Variants in ALG12 observed in about 807,000 individuals in gnomAD.
The protein encoded by ALG12 is dol-P-Man:Man(7)GlcNAc(2)-PP-Dol alpha-1,6-mannosyltransferase.
ALG12 carries 36 observed loss-of-function variants against 46.0 expected under a neutral mutation model. The observed-to-expected ratio is 0.78, with a 90% confidence interval of 0.60 to 1.03. The LOEUF is 1.03. Among genes scored for constraint, ALG12 ranks in the 50% least tolerant of loss-of-function variants. The pLI is 0.00. For synonymous variants in ALG12, 326 were observed against 291.6 expected (o/e 1.12, Z -1.20); for missense variants, 599 against 633.5 (o/e 0.95, Z 0.58).
rs186021973 is a variant in ALG12 at position 49,910,731 on chromosome 22, G to A, written c.296-124C>T. The A allele has an allele frequency of 3.0e-3, 3,549 of 1,180,410 alleles. 9 individuals are homozygous for A. Among genetic ancestry groups the A allele is most frequent in the Non-Finnish European group, 3.8e-3 (3,065 of 801,998 alleles). 73.1% of individuals were successfully genotyped at this position (1,180,410 alleles called of 1,614,324 possible). ...TTTCTATGCTGCTGCAATGCCAGCT[G>A]ACGGCTACGTCAGGCAAAGCAGCCT... On this transcript the variant is annotated intron_variant, in intron 3 of 9. Coordinates refer to ENST00000330817, the MANE Select transcript of ALG12 (RefSeq NM_024105.4).
chr22:49,901,878 T>C lies in ALG12; in HGVS notation c.*1960A>G, dbSNP rs1569171431. ...CACTGTGTGTGGTGTGTATTCATGG[T>C]GTGTGCACGTGTGCACTGTGTGTAT... is the stretch of plus-strand genomic sequence containing the variant. On this transcript the variant is annotated 3_prime_UTR_variant, in exon 10 of 10. Coordinates refer to ENST00000330817, the MANE Select transcript of ALG12 (RefSeq NM_024105.4). 1 of 138,674 alleles carries C rather than the reference T, an allele frequency of 7.2e-6. No individual in the cohort carries two copies. The highest frequency in any genetic ancestry group is 2.2e-4 in the East Asian group (1 of 4,454). 8.6% of individuals were successfully genotyped at this position (138,674 alleles called of 1,614,324 possible).
the ALG12 span, among the ~76,000 whole-genome samples, chr22:49,894,184 A>AT: frequency 1.3e-5 from 2 of 152,182 alleles, no homozygotes; most frequent in African/African-American, 4.8e-5. Flanking sequence ...AATAAAGTAG[A>AT]TTCTGACATC....
At chr22:49,895,663 A>T (rs897046801), downstream of ALG12, among the ~76,000 whole-genome samples, 1 of 152,136 alleles carries the variant, frequency 6.6e-6, no homozygotes, top group African/African-American at 2.4e-5. Context: ...AAAATAAAAA[A>T]AAAAAAAAAG....
the ALG12 span, among the ~76,000 whole-genome samples, chr22:49,869,398 C>G: frequency 1.3e-5 from 2 of 152,202 alleles, no homozygotes; most frequent in African/African-American, 4.8e-5. Context: ...GTCCTCCAGA[C>G]CAGATTATTT....
intron 6 of ALG12, 104 bp downstream of exon 6, chr22:49,909,140 G>A (rs1191291292): frequency 1.9e-5 from 23 of 1,231,390 alleles, no homozygotes; most frequent in Middle Eastern, 2.6e-4. Flanking sequence ...CTGCAGCCAC[G>A]CTGCAGAGAA....
chr22:49,904,859 C>T (rs2147581165), intron 7 of ALG12, among the ~76,000 whole-genome samples: 1 of 152,236 alleles, frequency 6.6e-6, no homozygotes, highest in East Asian at 1.9e-4. Flanking sequence ...CCTGCCTCAG[C>T]CTCCCAAGTA....
the ALG12 span, chr22:49,884,217 C>T: frequency 6.2e-7 from 1 of 1,603,692 alleles, no homozygotes; most frequent in South Asian, 1.1e-5. Flanking sequence ...TCCCCTCTCC[C>T]TCACTCCTGC....
At chr22:49,918,065 A>AGGTGGGAGTTCCG (rs2060628982) in intron 1 of ALG12, 198 bp downstream of exon 1, 1 of 97,810 alleles carries the variant, frequency 1.0e-5, no homozygotes, top group Non-Finnish European at 2.1e-5. Context: ...TGACAGGTCC[A>AGGTGGGAGTTCCG]GCCCCAGGTG....
At chr22:49,891,374 A>G in the ALG12 span, among the ~76,000 whole-genome samples, 21 of 152,294 alleles carry the variant, frequency 1.4e-4, no homozygotes, top group East Asian at 1.7e-3. Context: ...TCAATTTTGA[A>G]CCAGTTGAGA....
At chr22:49,882,858 G>A in the ALG12 span, among the ~76,000 whole-genome samples, 1,625 of 152,310 alleles carry the variant, frequency 0.011, 35 homozygotes, top group African/African-American at 0.038. Flanking sequence ...ACTGTGGTCC[G>A]TTTCCTATTC....
At chr22:49,871,757 A>ATTTTT in the ALG12 span, among the ~76,000 whole-genome samples, 10 of 62,174 alleles carry the variant, frequency 1.6e-4, no homozygotes, top group South Asian at 3.1e-3. Flanking sequence ...TTATTTATTT[A>ATTTTT]TTTTTTTTTT....
At chr22:49,869,235 C>T in the ALG12 span, among the ~76,000 whole-genome samples, 3 of 152,054 alleles carry the variant, frequency 2.0e-5, no homozygotes, top group African/African-American at 2.4e-5. Context: ...CTTTGATTCA[C>T]GTACACACAT....
chr22:49,872,145 C>T, the ALG12 span, among the ~76,000 whole-genome samples: 1 of 152,316 alleles, frequency 6.6e-6, no homozygotes, highest in East Asian at 1.9e-4. Context: ...GAACTTCTTT[C>T]AAAATTGTAG....
Position 49,903,910 on chromosome 22 carries a change from G to A in ALG12, c.1395C>T (p.Thr465=). 6.2e-7 allele frequency: 1 copy of A among 1,614,148 alleles called. No individual in the cohort carries two copies. The highest frequency in any genetic ancestry group is 8.5e-7 in the Non-Finnish European group (1 of 1,180,002). ...GGTGGACGTTGAAGGGGGGCAGTTG[G>A]GTCAGGTTCAGACTCACACCTGTGG... The part of the protein sequence containing the change: ...VGTTGVSLNL[T]QLPPFNVHLQ... The change falls in exon 10 of 10, where the codon ACC becomes ACT. Residue 465 remains threonine, a synonymous_variant. Transcript: ENST00000330817.
Position 49,903,388 on chromosome 22 carries a change from T to G in ALG12, c.*450A>C. The G allele has an allele frequency of 2.7e-6, 1 of 375,666 alleles. No homozygotes were observed. Among genetic ancestry groups the G allele is most frequent in the African/African-American group, 2.1e-5 (1 of 48,456 alleles). The allele number at this position is 375,666 out of a possible 1,614,324, so 23.3% of individuals were successfully genotyped here. A position where few individuals can be genotyped will look rare whatever the true frequency, so the allele number is the denominator to read the frequency against. ...CGGCCGGGGCCACCATGGTCTCCCC[T>G]GAGAGGGGGTGCTGTCTTAGGTGCC... On this transcript the variant is annotated 3_prime_UTR_variant, in exon 10 of 10. Coordinates refer to ENST00000330817, the MANE Select transcript of ALG12 (RefSeq NM_024105.4).
At chr22:49,882,937 G>C in the ALG12 span, among the ~76,000 whole-genome samples, 14 of 152,322 alleles carry the variant, frequency 9.2e-5, no homozygotes, top group African/African-American at 3.1e-4. Context: ...TCATGTATCA[G>C]GTCTTCTAGC....
chr22:49,888,067 A>G, the ALG12 span: 1 of 167,258 alleles, frequency 6.0e-6, no homozygotes, highest in Non-Finnish European at 1.5e-5. Context: ...TTTTTAGAAG[A>G]GATGGCTTAT....
the ALG12 span, among the ~76,000 whole-genome samples, chr22:49,890,780 G>A: frequency 6.6e-6 from 1 of 152,314 alleles, no homozygotes; most frequent in East Asian, 1.9e-4. Flanking sequence ...ACTTTGGGAG[G>A]CTGAGGTGGG....
intron 1 of ALG12, among the ~76,000 whole-genome samples, chr22:49,918,012 GGA>G: frequency 1.4e-5 from 2 of 146,622 alleles, no homozygotes; most frequent in East Asian, 2.0e-4. Flanking sequence ...TCGGGCCCCC[GGA>G]TGAGAGGTCC....
Sources: allele counts gnomAD v4.1 joint callset (sites outside exome capture counted in the v4.1 genomes callset), GRCh38; gene constraint gnomAD v4.1.1; transcripts MANE v1.5; gene names NCBI Gene and HGNC (gene_info 2026-07-23, HGNC 2026-07-21).